Variants in BBS9 observed in about 807,000 individuals in gnomAD.
The protein encoded by BBS9 is protein PTHB1.
BBS9 carries 89 observed loss-of-function variants against 117.7 expected under a neutral mutation model. The ratio of observed to expected loss-of-function variants is 0.76; its 90% CI spans 0.64 to 0.90. BBS9 has a LOEUF of 0.90. Ranked by LOEUF, BBS9 falls within the 40% of genes least tolerant of loss-of-function variation. BBS9 has a pLI of 0.00. For synonymous variants in BBS9, 379 were observed against 370.9 expected (o/e 1.02, Z -0.25); for missense variants, 982 against 1,042.2 (o/e 0.94, Z 0.80).
At chr7:33,257,786 T>A (rs1797326364) in intron 6 of BBS9, among the ~76,000 whole-genome samples, 1 of 152,176 alleles carries the variant, frequency 6.6e-6, no homozygotes, top group South Asian at 2.1e-4. Flanking sequence ...CTTGATATAA[T>A]AAATAATTAA....
intron 17 of BBS9, among the ~76,000 whole-genome samples, chr7:33,378,702 A>G (rs1584562303): frequency 6.6e-6 from 1 of 152,162 alleles, no homozygotes; most frequent in East Asian, 1.9e-4. Flanking sequence ...TCGCTGGAGG[A>G]AGAGTTTGGG....
chr7:33,224,611 C>T (rs1790895353), intron 5 of BBS9, among the ~76,000 whole-genome samples: 1 of 152,136 alleles, frequency 6.6e-6, no homozygotes, highest in Non-Finnish European at 1.5e-5. Flanking sequence ...CTCACCTCCC[C>T]ACCGATCTTC....
intron 17 of BBS9, 32 bp from the exon 18 acceptor site, chr7:33,383,634 C>G (rs1189981948): frequency 6.4e-7 from 1 of 1,567,494 alleles, no homozygotes; most frequent in South Asian, 1.1e-5. Context: ...TTCTGTGTTA[C>G]TAAGCATTTT....
chr7:33,529,574 A>G (rs2129054198), intron 20 of BBS9, among the ~76,000 whole-genome samples: 1 of 152,250 alleles, frequency 6.6e-6, no homozygotes, highest in South Asian at 2.1e-4. Context: ...TAACATGCAC[A>G]TTTAACTAAC....
intron 9 of BBS9, among the ~76,000 whole-genome samples, chr7:33,292,518 C>T (rs139528229): frequency 2.6e-5 from 4 of 152,100 alleles, no homozygotes; most frequent in Non-Finnish European, 4.4e-5. Flanking sequence ...TGACCCACCG[C>T]ACACCATCTA....
intron 9 of BBS9, among the ~76,000 whole-genome samples, chr7:33,292,518 C>A (rs139528229): frequency 6.6e-6 from 1 of 152,216 alleles, no homozygotes; most frequent in East Asian, 1.9e-4. Flanking sequence ...TGACCCACCG[C>A]ACACCATCTA....
At chr7:33,203,048 A>T (rs895322963) in intron 5 of BBS9, among the ~76,000 whole-genome samples, 1 of 152,150 alleles carries the variant, frequency 6.6e-6, no homozygotes, top group African/African-American at 2.4e-5. Context: ...CTTGGGTCAT[A>T]TGCTAATTCT....
intron 21 of BBS9, among the ~76,000 whole-genome samples, chr7:33,600,632 C>G (rs1274078760): frequency 2.6e-5 from 4 of 152,158 alleles, no homozygotes; most frequent in Non-Finnish European, 1.5e-5. Flanking sequence ...ATTGCCCACC[C>G]TTGCCACACC....
intron 19 of BBS9, among the ~76,000 whole-genome samples, chr7:33,477,243 C>T (rs76632721): frequency 0.019 from 2,943 of 152,250 alleles, 36 homozygotes; most frequent in Non-Finnish European, 0.03. Flanking sequence ...AAATATTAGC[C>T]ATCATCGTCA....
intron 20 of BBS9, among the ~76,000 whole-genome samples, chr7:33,526,140 C>G (rs1476892007): frequency 6.6e-6 from 1 of 151,706 alleles, no homozygotes; most frequent in African/African-American, 2.4e-5. Context: ...ATGGGCTTCC[C>G]TTTGAGGGTA....
intron 9 of BBS9, among the ~76,000 whole-genome samples, chr7:33,328,824 A>C (rs1316398470): frequency 6.6e-6 from 1 of 152,164 alleles, no homozygotes; most frequent in African/African-American, 2.4e-5. Context: ...CTATATTTCA[A>C]ATAATTTCAT....
At chr7:33,299,121 T>C (rs1390189228) in intron 9 of BBS9, among the ~76,000 whole-genome samples, 1 of 152,212 alleles carries the variant, frequency 6.6e-6, no homozygotes, top group Non-Finnish European at 1.5e-5. Context: ...ATGCAACCAA[T>C]CTAGCTATCA....
intron 20 of BBS9, among the ~76,000 whole-genome samples, chr7:33,512,203 A>G (rs1335892246): frequency 6.6e-6 from 1 of 152,216 alleles, no homozygotes; most frequent in African/African-American, 2.4e-5. Context: ...ACAGTTGAAT[A>G]TGGTATATCT....
chr7:33,273,337 A>C (rs997323248), intron 8 of BBS9, 142 bp downstream of exon 8: 8 of 924,092 alleles, frequency 8.7e-6, no homozygotes, highest in Non-Finnish European at 1.3e-5. Context: ...TTTAACTTTC[A>C]AAGTTTGAAT....
chr7:33,415,679 C>G (rs1247023978), intron 19 of BBS9, among the ~76,000 whole-genome samples: 4 of 152,176 alleles, frequency 2.6e-5, no homozygotes, highest in African/African-American at 9.6e-5. Flanking sequence ...TATCCTTGAT[C>G]TGTAGTCTTC....
Position 33,260,176 on chromosome 7 carries a change from T to C in BBS9, c.617+2766T>C, listed in dbSNP as rs189025805. Among the ~76,000 whole-genome samples the C allele has an allele frequency of 2.2e-4, 33 of 152,212 alleles. No homozygotes were observed. The East Asian group carries it at 6.4e-3, about 29-fold the overall frequency. ...TGCCACGCCCAGCTAATTACTTTTG[T>C]ATTTTAGTAGAGACAGGGTTTCATT... On this transcript the variant is annotated intron_variant, in intron 6 of 22. Coordinates refer to ENST00000242067, the MANE Select transcript of BBS9 (RefSeq NM_198428.3).
Position 33,281,140 on chromosome 7 carries a change from A to C in BBS9, c.1016+7184A>C, listed in dbSNP as rs554417496. Among the ~76,000 whole-genome samples the C allele has an allele frequency of 9.9e-4, 150 of 151,368 alleles. 1 individual carries two copies. Among genetic ancestry groups the C allele is most frequent in the African/African-American group, 3.5e-3 (144 of 41,406 alleles). On this transcript the variant is annotated intron_variant, in intron 9 of 22. Coordinates refer to ENST00000242067, the MANE Select transcript of BBS9 (RefSeq NM_198428.3). ...AAGAGTAGAATATTAGTTTTTCATT[A>C]CTATATTTTTCTGTCAGTTTTCTGT...
intron 9 of BBS9, among the ~76,000 whole-genome samples, chr7:33,303,655 T>C (rs1340745024): frequency 6.6e-6 from 1 of 151,784 alleles, no homozygotes; most frequent in Non-Finnish European, 1.5e-5. Flanking sequence ...ATTGCAGGCA[T>C]GTGCCGCCAC....
intron 16 of BBS9, among the ~76,000 whole-genome samples, chr7:33,361,745 C>A (rs549191707): frequency 6.6e-6 from 1 of 151,832 alleles, no homozygotes; most frequent in Admixed American, 6.6e-5. Context: ...TTACTTTCTT[C>A]GTAGTTTCAG....
Sources: allele counts gnomAD v4.1 joint callset (sites outside exome capture counted in the v4.1 genomes callset), GRCh38; gene constraint gnomAD v4.1.1; transcripts MANE v1.5; gene names NCBI Gene and HGNC (gene_info 2026-07-23, HGNC 2026-07-21).